LRATD1: variants seen among roughly 807,000 people sequenced by gnomAD.
LRATD1 encodes the protein protein LRATD1.
Under a neutral mutation model 21.3 loss-of-function variants are expected in LRATD1, and 8 were observed. That is an observed-to-expected ratio of 0.38 (90% CI 0.22 to 0.68). The LOEUF is 0.68. Ranked by LOEUF, LRATD1 falls within the 30% of genes least tolerant of loss-of-function variation. The pLI is 0.54. For synonymous variants in LRATD1, 210 were observed against 186.2 expected, an observed-to-expected ratio of 1.13 and a Z score of -1.04; for missense variants, 380 against 404.0, an observed-to-expected ratio of 0.94 and a Z score of 0.51.
chr2:14,642,063 A>T (rs1320990446), downstream of LRATD1: 1 of 152,394 alleles, frequency 6.6e-6, no homozygotes, highest in Non-Finnish European at 1.5e-5. Flanking sequence ...TATTCACTCA[A>T]TGGAGGAACT....
rs1274353369 is a variant in LRATD1 at position 14,636,213 on chromosome 2, G to A, written c.*1355G>A. On this transcript the variant is annotated 3_prime_UTR_variant, in exon 2 of 2. Transcript: ENST00000295092. ...CAACAGCAGCCCTAGTAATGGTGGA[G>A]TTGTTAATTAATGTGTATATTGTAC... The A allele has an allele frequency of 5.8e-6, 1 of 171,940 alleles. No individual in the cohort carries two copies. Among genetic ancestry groups the A allele is most frequent in the African/African-American group, 2.4e-5 (1 of 41,462 alleles). 10.7% of individuals were successfully genotyped at this position (171,940 alleles called of 1,614,324 possible).
intron 4 of LRATD1, among the ~76,000 whole-genome samples, chr2:14,648,444 A>G (rs1348172280): frequency 3.9e-5 from 6 of 152,194 alleles, no homozygotes; most frequent in Admixed American, 3.9e-4. Flanking sequence ...TGCTTTTTGT[A>G]AAAGGAACTA....
rs1196861222 is a variant in LRATD1, at chr2:14,634,323, C to A, written c.344C>A (p.Ala115Glu). Reference protein sequence around the residue: ...GADLSVYAVTALPALCEPGDL... With the variant: ...GADLSVYAVTELPALCEPGDL... ...GACCTAAGCGTCTACGCGGTCACCG[C>A]GCTGCCAGCGCTCTGCGAACCCGGC... is the stretch of plus-strand genomic sequence containing the variant. Residue 115 changes from alanine to glutamate, a missense_variant, in exon 2 of 2, where the codon GCG becomes GAG. By Grantham distance (107) the Ala-to-Glu change is moderately radical. Transcript: ENST00000295092. 5 of 1,592,552 alleles carry A rather than the reference C, an allele frequency of 3.1e-6. No individual in the cohort carries two copies. Among genetic ancestry groups the A allele is most frequent in the Non-Finnish European group, 4.3e-6 (5 of 1,173,636 alleles).
chr2:14,642,240 G>A (rs1671819779), downstream of LRATD1, among the ~76,000 whole-genome samples: 1 of 152,190 alleles, frequency 6.6e-6, no homozygotes, highest in Admixed American at 6.5e-5. Context: ...AACCTTCACT[G>A]TGGTATATTA....
chr2:14,649,313 C>T (rs1479713627), intron 4 of LRATD1: 3 of 456,424 alleles, frequency 6.6e-6, no homozygotes, highest in African/African-American at 6.0e-5. Context: ...TTGTGCCTAG[C>T]AGAATTTTAG....
chr2:14,643,854 A>C (rs1671850275), downstream of LRATD1, among the ~76,000 whole-genome samples: 1 of 152,178 alleles, frequency 6.6e-6, no homozygotes, highest in African/African-American at 2.4e-5. Flanking sequence ...TGTTTAAGTT[A>C]ATGAGAACCT....
chr2:14,634,723 C>G lies in LRATD1; in HGVS notation c.744C>G (p.His248Gln), dbSNP rs367691817. The change falls in exon 2 of 2, where the codon CAC becomes CAG. Residue 248 changes from histidine (H) to glutamine (Q), a missense_variant. Transcript: ENST00000295092. ...AGCAGCAGTACTATCTCAAGGTGCA[C>G]CTGGGAGAGAACAAGGTCCACACCG... ...PPQQQYYLKV[H>Q]LGENKVHTAR... The G allele has an allele frequency of 3.9e-5, 61 of 1,559,126 alleles. No individual in the cohort carries two copies. In the African/African-American group the frequency reaches 8.2e-4, roughly 21 times the overall value.
downstream of LRATD1, among the ~76,000 whole-genome samples, chr2:14,644,764 C>T (rs917700907): frequency 4.6e-5 from 7 of 151,856 alleles, no homozygotes; most frequent in Non-Finnish European, 7.4e-5. Context: ...GGAGAGAGGC[C>T]GAGCTGATAG....
At position 14,635,447 on chromosome 2, in the gene LRATD1, G is replaced by A. The variant is rs1469294272; in HGVS notation, c.*589G>A. 4.2e-6 allele frequency: 2 copies of A among 471,296 alleles called. No individual in the cohort carries two copies. Among genetic ancestry groups the A allele is most frequent in the Non-Finnish European group, 8.8e-6 (2 of 227,110 alleles). 29.2% of individuals were successfully genotyped at this position (471,296 alleles called of 1,614,324 possible). A position where few individuals can be genotyped will look rare whatever the true frequency, so the allele number is the denominator to read the frequency against. On this transcript the variant is annotated 3_prime_UTR_variant, in exon 2 of 2. Coordinates refer to ENST00000295092, the MANE Select transcript of LRATD1 (RefSeq NM_145175.4). ...ATTCCGGGTTATCCTGAGGCTGCCC[G>A]GGACTTTTCCAGCTCTCCAGCCCCA...
rs190824730 is a variant in LRATD1 at position 14,636,977 on chromosome 2, T to A, written c.*2119T>A. On this transcript the variant is annotated 3_prime_UTR_variant, in exon 2 of 2. Coordinates refer to ENST00000295092, the MANE Select transcript of LRATD1 (RefSeq NM_145175.4). ...TAAGCCTATTGAGTGATTTATTTTT[T>A]AAAAAATGTTTAAATGCATATGCTT... The A allele has an allele frequency of 7.4e-3, 1,234 of 167,178 alleles. 4 individuals carry two copies. The highest frequency in any genetic ancestry group is 0.011 in the Non-Finnish European group (774 of 68,120). 10.4% of individuals were successfully genotyped at this position (167,178 alleles called of 1,614,324 possible).
downstream of LRATD1, chr2:14,650,523 A>G (rs561097915): frequency 6.6e-6 from 1 of 152,330 alleles, no homozygotes; most frequent in South Asian, 2.1e-4. Context: ...ACTCATATAA[A>G]ACCACTATTC....
At chr2:14,644,602 A>G (rs1285665638), downstream of LRATD1, among the ~76,000 whole-genome samples, 1 of 152,160 alleles carries the variant, frequency 6.6e-6, no homozygotes, top group Non-Finnish European at 1.5e-5. Flanking sequence ...ACTTGTAGAC[A>G]TGGTCTTTGA....
Position 14,634,830 on chromosome 2 carries a change from T to C in LRATD1, c.851T>C (p.Leu284Pro). The change falls in exon 2 of 2, where the codon CTC becomes CCC. Residue 284 changes from leucine to proline, a missense_variant. By Grantham distance (98) the Leu-to-Pro change is moderately conservative. Transcript: ENST00000295092. Reference sequence around the variant, plus strand: ...GGCCGCCTGCGAGTGCTCCAGGAGCTCGCCGACCTCGTGGACGACAAGGAG... The same window carrying C: ...GGCCGCCTGCGAGTGCTCCAGGAGCCCGCCGACCTCGTGGACGACAAGGAG... Reference protein sequence around the residue: ...ASGRLRVLQELADLVDDKE With the variant: ...ASGRLRVLQEPADLVDDKE The C allele has an allele frequency of 1.2e-6, 2 of 1,609,298 alleles. No homozygotes were observed. The highest frequency in any genetic ancestry group is 1.7e-6 in the Non-Finnish European group (2 of 1,177,158).
chr2:14,634,448 C>G lies in LRATD1; in HGVS notation c.469C>G (p.His157Asp), dbSNP rs776070405. Reference sequence around the variant, plus strand: ...GGGCGGCGGGCAGATCATCCACCTGCACCAAGGCGAGATCCGCCAGGACAG... The same window carrying G: ...GGGCGGCGGGCAGATCATCCACCTGGACCAAGGCGAGATCCGCCAGGACAG... ...YVGGGQIIHL[H>D]QGEIRQDSLY... Residue 157 changes from histidine to aspartate, a missense_variant, in exon 2 of 2, where the codon CAC (histidine) becomes GAC (aspartate). Coordinates refer to ENST00000295092, the MANE Select transcript of LRATD1 (RefSeq NM_145175.4). 6.6e-7 allele frequency: 1 copy of G among 1,522,870 alleles called. No individual in the cohort carries two copies. The highest frequency in any genetic ancestry group is 2.2e-5 in the Admixed American group (1 of 46,128). The allele number at this position is 1,522,870 out of a possible 1,614,324, so 94.3% of individuals were successfully genotyped here.
chr2:14,648,948 G>A (rs1235593022), intron 4 of LRATD1, among the ~76,000 whole-genome samples: 2 of 152,104 alleles, frequency 1.3e-5, no homozygotes, highest in African/African-American at 2.4e-5. Flanking sequence ...GGTAAAGTCA[G>A]GCCAGTTCAT....
downstream of LRATD1, among the ~76,000 whole-genome samples, chr2:14,641,643 G>T (rs1671806819): frequency 6.6e-6 from 1 of 152,112 alleles, no homozygotes; most frequent in African/African-American, 2.4e-5. Flanking sequence ...CCTTAGTGGG[G>T]CAGTCAGCAT....
At chr2:14,643,035 G>A (rs963723019), downstream of LRATD1, among the ~76,000 whole-genome samples, 3 of 152,148 alleles carry the variant, frequency 2.0e-5, no homozygotes, top group African/African-American at 7.2e-5. Context: ...CAAAATTCTA[G>A]AGAGCTTCTT....
downstream of LRATD1, among the ~76,000 whole-genome samples, chr2:14,644,842 G>T (rs1357669756): frequency 1.3e-5 from 2 of 152,138 alleles, no homozygotes; most frequent in Admixed American, 1.3e-4. Context: ...GAACAAGCAG[G>T]ATGTTGGAGC....
rs960422627 is a variant in LRATD1, at chr2:14,636,832, G to C, written c.*1974G>C. ...TGGAAATGCCTTTTTCATGGTAAATGATTCACTTCTATATTTTTCTTTCTT... is the reference window on the plus strand; with the variant it reads ...TGGAAATGCCTTTTTCATGGTAAATCATTCACTTCTATATTTTTCTTTCTT... On this transcript the variant is annotated 3_prime_UTR_variant, in exon 2 of 2. Coordinates refer to ENST00000295092, the MANE Select transcript of LRATD1 (RefSeq NM_145175.4). 2.4e-5 allele frequency: 4 copies of C among 167,066 alleles called. No individual in the cohort carries two copies. Among genetic ancestry groups the C allele is most frequent in the African/African-American group, 7.2e-5 (3 of 41,458 alleles). The allele number at this position is 167,066 out of a possible 1,614,324, so 10.3% of individuals were successfully genotyped here.
Sources: gnomAD v4.1 joint callset for allele counts (sites outside exome capture counted in the v4.1 genomes callset) on GRCh38, gnomAD v4.1.1 for gene constraint, MANE v1.5 for transcripts, NCBI Gene and HGNC (gene_info 2026-07-23, HGNC 2026-07-21) for gene names.